ARHGAP35: variants seen among roughly 807,000 people sequenced by gnomAD.
The protein encoded by ARHGAP35 is rho GTPase-activating protein 35.
A neutral mutation model predicts 111.1 loss-of-function variants in ARHGAP35; 15 were observed. The ratio of observed to expected loss-of-function variants is 0.13; its 90% confidence interval spans 0.09 to 0.21. The LOEUF (loss-of-function observed/expected upper bound fraction) is 0.21. Among genes scored for constraint, ARHGAP35 ranks in the 10% least tolerant of loss-of-function variants. The pLI is 1.00. For synonymous variants in ARHGAP35, 643 were observed against 710.3 expected (o/e 0.91, Z 1.51); for missense variants, 1,262 against 1,873.0 (o/e 0.67, Z 6.02).
Position 46,920,161 on chromosome 19 carries a change from C to A in ARHGAP35, c.1486C>A (p.Leu496Ile). The A allele has an allele frequency of 6.2e-7, 1 of 1,613,916 alleles. No individual in the cohort carries two copies. The change falls in exon 2 of 7, where the codon CTT (leucine) becomes ATT (isoleucine). Residue 496 changes from leucine (L) to isoleucine (I), a missense_variant. Transcript: ENST00000672722. The surrounding 1 kb of genome is among the most constrained non-coding windows in gnomAD (Gnocchi z 7.0). ...AGCAAAGGAAGAATTTCAGGAGTTG[C>A]TTTTGGAATATTCAGAATTGTTTTA... ...DKAKEEFQELLLEYSELFYEL... is the reference protein window; with the variant it reads ...DKAKEEFQELILEYSELFYEL...
chr19:46,921,429 G>A lies in ARHGAP35; in HGVS notation c.2754G>A (p.Arg918=), dbSNP rs746406240. 2.4e-5 allele frequency: 39 copies of A among 1,613,780 alleles called. No homozygotes were observed. The highest frequency in any genetic ancestry group is 3.3e-5 in the Non-Finnish European group (39 of 1,179,894). Residue 918 remains arginine (R), a synonymous_variant, in exon 2 of 7, where the codon AGG becomes AGA. Transcript: ENST00000672722. The surrounding 1 kb of genome is among the most constrained non-coding windows in gnomAD (Gnocchi z 4.3). ...AGATTGCTCAAGAAATTGACGGAAGGTTCACAAGCATCCCCTGTAGCCAAC... is the reference window on the plus strand; with the variant it reads ...AGATTGCTCAAGAAATTGACGGAAGATTCACAAGCATCCCCTGTAGCCAAC... ...GEEIAQEIDG[R]FTSIPCSQPQ...
intron 1 of ARHGAP35, among the ~76,000 whole-genome samples, chr19:46,870,101 C>G (rs1289044972): frequency 2.0e-5 from 3 of 151,788 alleles, no homozygotes; most frequent in Non-Finnish European, 4.4e-5. Context: ...CGCCCGCCAC[C>G]ATGCCTGGCT....
chr19:46,934,436 C>G (rs1372783841), intron 2 of ARHGAP35, among the ~76,000 whole-genome samples: 14 of 152,152 alleles, frequency 9.2e-5, no homozygotes, highest in Admixed American at 8.5e-4. Context: ...GGCACAATCT[C>G]GGCTCACTGC....
rs2056236044 is a variant in ARHGAP35, at chr19:46,926,044, C to A, written c.3681+3688C>A. Among the ~76,000 whole-genome samples, 1 of 152,162 alleles carries A rather than the reference C, an allele frequency of 6.6e-6. No individual in the cohort carries two copies. Among genetic ancestry groups the A allele is most frequent in the South Asian group, 2.1e-4 (1 of 4,824 alleles). ...CCGTCCCGTCTTTTGGAAGTTTTAA[C>A]CTCATGCATTACTGAGCTGCTTTCT... is the stretch of plus-strand genomic sequence containing the variant. On this transcript the variant is annotated intron_variant, in intron 2 of 6. Transcript: ENST00000672722. This position sits in a 1 kb window ranked among gnomAD's most constrained non-coding sequence, Gnocchi z 4.1.
At chr19:46,867,897 C>T (rs564579847) in intron 1 of ARHGAP35, among the ~76,000 whole-genome samples, 3 of 152,176 alleles carry the variant, frequency 2.0e-5, no homozygotes, top group African/African-American at 7.2e-5. Flanking sequence ...GACAGAGTCT[C>T]GCTCTATCGC....
At chr19:46,963,994 A>C (rs2122277412) in intron 3 of ARHGAP35, among the ~76,000 whole-genome samples, 1 of 151,930 alleles carries the variant, frequency 6.6e-6, no homozygotes, top group East Asian at 1.9e-4. Context: ...CAGCCTCCCG[A>C]GTAGCTGGGA....
chr19:46,865,399 G>A (rs972804662), intron 1 of ARHGAP35, among the ~76,000 whole-genome samples: 4 of 151,984 alleles, frequency 2.6e-5, no homozygotes, highest in African/African-American at 7.3e-5. Flanking sequence ...TTACCTGCCC[G>A]CCATTTTCCT....
rs1344199213 is a variant in ARHGAP35, at chr19:47,002,913, C to G, written c.*2225C>G. The G allele has an allele frequency of 6.6e-6, 1 of 152,222 alleles. No homozygotes were observed. Among genetic ancestry groups the G allele is most frequent in the East Asian group, 1.9e-4 (1 of 5,190 alleles). The allele number at this position is 152,222 out of a possible 1,614,324, so 9.4% of individuals were successfully genotyped here. A position where few individuals can be genotyped will look rare whatever the true frequency, so the allele number is the denominator to read the frequency against. ...GTGGAGGGGGTGGTGAGGAGGAGCA[C>G]CTGGGCTCTCTACCCCTCTCCTCAC... On this transcript the variant is annotated 3_prime_UTR_variant, in exon 7 of 7. Transcript: ENST00000672722.
chr19:46,902,640 T>C (rs2056087772), intron 1 of ARHGAP35, among the ~76,000 whole-genome samples: 1 of 152,186 alleles, frequency 6.6e-6, no homozygotes, highest in South Asian at 2.1e-4. Flanking sequence ...TAGCTTTCTG[T>C]TACAGTCAGT....
chr19:46,888,318 A>ATATATATATATAT (rs2056005973), intron 1 of ARHGAP35, among the ~76,000 whole-genome samples: 2 of 58,474 alleles, frequency 3.4e-5, no homozygotes, highest in Non-Finnish European at 6.6e-5. Context: ...ATATATATAT[A>ATATATATATATAT]AAATATTGAT....
In ARHGAP35 at chr19:46,874,069, T is replaced by C. The variant is rs182816261; in HGVS notation, c.-189+12860T>C. On this transcript the variant is annotated intron_variant, in intron 1 of 6. Transcript: ENST00000672722. ...GCTAAGCTATTAATTAAATTTTTTT[T>C]CCCAAAGTCCTGTTTTGAAGTCCTG... Among the ~76,000 whole-genome samples the C allele has an allele frequency of 9.1e-4, 138 of 152,286 alleles. 2 individuals carry two copies. Among genetic ancestry groups the C allele is most frequent in the African/African-American group, 3.0e-3 (124 of 41,554 alleles).
At chr19:46,938,534 G>A (rs1258179923) in intron 3 of ARHGAP35, among the ~76,000 whole-genome samples, 1 of 151,478 alleles carries the variant, frequency 6.6e-6, no homozygotes, top group Non-Finnish European at 1.5e-5. Flanking sequence ...TGTATTTTTA[G>A]TAGAGACGGG....
chr19:46,931,275 C>A (rs2056271439), intron 2 of ARHGAP35, among the ~76,000 whole-genome samples: 1 of 152,174 alleles, frequency 6.6e-6, no homozygotes, highest in Non-Finnish European at 1.5e-5. Context: ...ATTGAGTGCC[C>A]ACTGCACGTC....
rs1260327004 is a variant in ARHGAP35, at chr19:46,926,825, T to C, written c.3681+4469T>C. Among the ~76,000 whole-genome samples the C allele has an allele frequency of 6.6e-6, 1 of 152,222 alleles. No homozygotes were observed. The highest frequency in any genetic ancestry group is 1.5e-5 in the Non-Finnish European group (1 of 68,046). On this transcript the variant is annotated intron_variant, in intron 2 of 6. Coordinates refer to ENST00000672722, the MANE Select transcript of ARHGAP35 (RefSeq NM_004491.5). This position sits in a 1 kb window ranked among gnomAD's most constrained non-coding sequence, Gnocchi z 4.1. ...ATTTCATTGGATTCAGTGAATTGGC[T>C]GGTTGTTGTGGCTTTGTGTGGACAC...
At chr19:46,982,078 G>A (rs1001833960) in intron 3 of ARHGAP35, among the ~76,000 whole-genome samples, 12 of 152,068 alleles carry the variant, frequency 7.9e-5, no homozygotes, top group African/African-American at 2.9e-4. Flanking sequence ...CTCGAACTGG[G>A]CTCAAGCAAT....
At chr19:46,957,257 G>C (rs540676640) in intron 3 of ARHGAP35, among the ~76,000 whole-genome samples, 2 of 151,300 alleles carry the variant, frequency 1.3e-5, no homozygotes, top group African/African-American at 2.4e-5. Context: ...CACTGCGCCC[G>C]GCCAAAGCAG....
At chr19:46,990,187 G>C (rs2056672426) in intron 5 of ARHGAP35, among the ~76,000 whole-genome samples, 2 of 152,236 alleles carry the variant, frequency 1.3e-5, no homozygotes, top group African/African-American at 4.8e-5. Flanking sequence ...CCGGCCTCTG[G>C]AGGGAAAGAG....
chr19:46,996,650 C>T (rs1184081514), intron 5 of ARHGAP35, among the ~76,000 whole-genome samples: 1 of 152,216 alleles, frequency 6.6e-6, no homozygotes, highest in East Asian at 1.9e-4. Context: ...TTGGGTCGTG[C>T]AGGCACCTAC....
At position 46,866,869 on chromosome 19, in the gene ARHGAP35, T is replaced by C. The variant is rs1599788777; in HGVS notation, c.-189+5660T>C. On this transcript the variant is annotated intron_variant, in intron 1 of 6. Transcript: ENST00000672722. ...TATATTAGCTACATAACTAAAACCA[T>C]ATACCTCTTTTAAAAACGATATGGA... 2.0e-5 allele frequency among the ~76,000 whole-genome samples: 3 copies of C among 152,360 alleles called. No individual in the cohort carries two copies. In the East Asian group the frequency reaches 5.8e-4, roughly 29 times the overall value.
Sources: allele counts gnomAD v4.1 joint callset (sites outside exome capture counted in the v4.1 genomes callset), GRCh38; gene constraint gnomAD v4.1.1; non-coding constraint Gnocchi (gnomAD v3.1); transcripts MANE v1.5; gene names NCBI Gene and HGNC (gene_info 2026-07-23, HGNC 2026-07-21).